ANO3: variants seen among roughly 807,000 people sequenced by gnomAD.
ANO3 encodes the protein anoctamin 3.
ANO3 carries 99 observed loss-of-function variants against 144.8 expected under a neutral mutation model. The observed-to-expected ratio is 0.68, with a 90% CI of 0.58 to 0.81. ANO3 has a LOEUF of 0.81. Among genes scored for constraint, ANO3 ranks in the 30% least tolerant of loss-of-function variants. The pLI, the probability that ANO3 is intolerant of heterozygous loss-of-function variation, is 0.00. For synonymous variants in ANO3, 414 were observed against 392.6 expected, an observed-to-expected ratio of 1.05 and a Z score of -0.64; for missense variants, 905 against 1,202.2, an observed-to-expected ratio of 0.75 and a Z score of 3.66.
intron 1 of ANO3, among the ~76,000 whole-genome samples, chr11:26,298,584 T>G (rs930263099): frequency 2.0e-5 from 3 of 152,186 alleles, no homozygotes; most frequent in Non-Finnish European, 2.9e-5. Flanking sequence ...TGGGGCTTCA[T>G]TGAATGAAAG....
chr11:26,564,775 ATATATATAT>A (rs1565109246), intron 14 of ANO3, among the ~76,000 whole-genome samples: 1 of 105,882 alleles, frequency 9.4e-6, no homozygotes, highest in Non-Finnish European at 2.0e-5. Context: ...ATATATATAT[ATATATATAT>A]AAGTTCAGTT....
chr11:26,268,844 A>G (rs1454476905), intron 1 of ANO3, among the ~76,000 whole-genome samples: 1 of 152,332 alleles, frequency 6.6e-6, no homozygotes, highest in Non-Finnish European at 1.5e-5. Context: ...CCTAGAAGGC[A>G]GTAAGAATAA....
chr11:26,630,151 G>A (rs909270815), intron 18 of ANO3, among the ~76,000 whole-genome samples: 14 of 152,006 alleles, frequency 9.2e-5, no homozygotes, highest in African/African-American at 3.1e-4. Context: ...TCAGAAGAGT[G>A]GATGAAAAAT....
At chr11:26,500,854 C>G (rs1861166160) in intron 4 of ANO3, among the ~76,000 whole-genome samples, 1 of 151,618 alleles carries the variant, frequency 6.6e-6, no homozygotes, top group South Asian at 2.1e-4. Flanking sequence ...GTAACAAGAG[C>G]TATTAGGAGG....
intron 14 of ANO3, chr11:26,567,103 T>C (rs1333799954): frequency 8.9e-6 from 13 of 1,465,724 alleles, no homozygotes; most frequent in Non-Finnish European, 1.2e-5. Context: ...ATTTTGCAGA[T>C]GAAGAAACTG....
At chr11:26,608,306 G>T (rs1246867702) in intron 17 of ANO3, among the ~76,000 whole-genome samples, 1 of 152,142 alleles carries the variant, frequency 6.6e-6, no homozygotes, top group East Asian at 1.9e-4. Context: ...AAAGATGGGT[G>T]CCTGCTCATT....
At chr11:26,551,862 T>C (rs1275626277) in intron 12 of ANO3, among the ~76,000 whole-genome samples, 1 of 152,024 alleles carries the variant, frequency 6.6e-6, no homozygotes, top group African/African-American at 2.4e-5. Flanking sequence ...GTAGACATCC[T>C]GATTACTAGT....
chr11:26,575,801 G>A (rs1018117576), intron 14 of ANO3, among the ~76,000 whole-genome samples: 1 of 152,046 alleles, frequency 6.6e-6, no homozygotes, highest in African/African-American at 2.4e-5. Flanking sequence ...GCTGTTCATA[G>A]GTTTAAAATA....
At chr11:26,424,885 C>CAT (rs370110875) in intron 1 of ANO3, among the ~76,000 whole-genome samples, 12,820 of 150,804 alleles carry the variant, frequency 0.085, 863 homozygotes, top group African/African-American at 0.19. Flanking sequence ...GTATTTTATA[C>CAT]ATATATATAT....
At chr11:26,478,016 T>C (rs1460082620) in intron 4 of ANO3, among the ~76,000 whole-genome samples, 2 of 152,178 alleles carry the variant, frequency 1.3e-5, no homozygotes, top group East Asian at 1.9e-4. Context: ...AACTGAATAC[T>C]GTTTAGCTAT....
intron 1 of ANO3, among the ~76,000 whole-genome samples, chr11:26,322,644 A>T (rs1365194706): frequency 6.6e-6 from 1 of 152,148 alleles, no homozygotes; most frequent in South Asian, 2.1e-4. Context: ...CACAGAAAGA[A>T]TGTGCCATTT....
intron 1 of ANO3, among the ~76,000 whole-genome samples, chr11:26,213,423 T>G (rs566318719): frequency 1.3e-5 from 2 of 152,210 alleles, no homozygotes; most frequent in African/African-American, 4.8e-5. Flanking sequence ...AAAAGCAACT[T>G]CAGCAGTCTC....
chr11:26,353,419 A>G (rs934953323), intron 1 of ANO3, among the ~76,000 whole-genome samples: 39 of 152,166 alleles, frequency 2.6e-4, no homozygotes, highest in Admixed American at 1.9e-3. Context: ...GTCATGTGGA[A>G]CTGCTGCCTG....
intron 1 of ANO3, among the ~76,000 whole-genome samples, chr11:26,334,062 T>C (rs1004660804): frequency 1.3e-5 from 2 of 152,182 alleles, no homozygotes; most frequent in Admixed American, 1.3e-4. Flanking sequence ...AAGAAGGAAA[T>C]AATTGACAAC....
At chr11:26,280,711 A>G (rs1250739150) in intron 1 of ANO3, among the ~76,000 whole-genome samples, 1 of 152,170 alleles carries the variant, frequency 6.6e-6, no homozygotes, top group Non-Finnish European at 1.5e-5. Flanking sequence ...GCATCCTTCA[A>G]TCCAATCAAG....
chr11:26,271,105 A>C (rs1466261298), intron 1 of ANO3, among the ~76,000 whole-genome samples: 1 of 152,234 alleles, frequency 6.6e-6, no homozygotes, highest in Non-Finnish European at 1.5e-5. Flanking sequence ...TTTGTTAGTG[A>C]CAAGATTGCC....
chr11:26,519,724 T>C (rs1375840583), intron 6 of ANO3, among the ~76,000 whole-genome samples: 1 of 152,202 alleles, frequency 6.6e-6, no homozygotes, highest in Non-Finnish European at 1.5e-5. Context: ...CAAGAACCAT[T>C]AAGTATTGGA....
At chr11:26,338,817 C>G (rs1345594331) in intron 1 of ANO3, among the ~76,000 whole-genome samples, 1 of 151,852 alleles carries the variant, frequency 6.6e-6, no homozygotes, top group South Asian at 2.1e-4. Flanking sequence ...GGAAGAAACT[C>G]TGGACACATC....
chr11:26,198,933 G>A (rs1851639581), intron 1 of ANO3, among the ~76,000 whole-genome samples: 1 of 152,162 alleles, frequency 6.6e-6, no homozygotes, highest in East Asian at 1.9e-4. Flanking sequence ...TGAATTTCCA[G>A]TTTTTGTGGA....
Sources: gnomAD v4.1 joint callset for allele counts (sites outside exome capture counted in the v4.1 genomes callset) on GRCh38, gnomAD v4.1.1 for gene constraint, MANE v1.5 for transcripts, NCBI Gene and HGNC (gene_info 2026-07-23, HGNC 2026-07-21) for gene names.